Variants in SMYD3 observed in about 807,000 individuals in gnomAD.
SMYD3 encodes the protein SET and MYND domain containing 3, also known as histone-lysine N-methyltransferase SMYD3.
In SMYD3, 36 loss-of-function variants were observed where a neutral mutation model predicts 57.7. That is an observed-to-expected ratio of 0.62 (90% CI 0.48 to 0.82). The LOEUF (loss-of-function observed/expected upper bound fraction) is 0.82, where lower values mean the gene tolerates loss of function less well. SMYD3 is among the 40% of genes least tolerant of loss of function. SMYD3 has a pLI of 0.00. For missense variants in SMYD3, 515 were observed against 538.8 expected (o/e 0.96, Z 0.44); for synonymous variants, 211 against 195.0 (o/e 1.08, Z -0.68).
At chr1:246,269,699 C>T (rs987158937) in intron 5 of SMYD3, among the ~76,000 whole-genome samples, 42 of 151,850 alleles carry the variant, frequency 2.8e-4, no homozygotes, top group African/African-American at 9.9e-4. Context: ...CGTAAGCAGC[C>T]GGGACTACAG....
chr1:246,190,585 A>C (rs2062720089), intron 5 of SMYD3, among the ~76,000 whole-genome samples: 1 of 14,856 alleles, frequency 6.7e-5, no homozygotes, highest in African/African-American at 2.7e-4. Flanking sequence ...ACTCTGTCTC[A>C]AAAAAAAAAA....
At chr1:246,204,454 G>C (rs2062966902) in intron 5 of SMYD3, among the ~76,000 whole-genome samples, 1 of 152,212 alleles carries the variant, frequency 6.6e-6, no homozygotes, top group African/African-American at 2.4e-5. Flanking sequence ...GTCCAGCATA[G>C]AATGTGGGCT....
chr1:246,328,757 G>C lies in SMYD3; in HGVS notation c.395-1420C>G, dbSNP rs1021875338. Among the ~76,000 whole-genome samples the C allele has an allele frequency of 7.5e-4, 113 of 151,632 alleles. 1 individual carries two copies. Among genetic ancestry groups the C allele is most frequent in the African/African-American group, 2.6e-3 (108 of 41,326 alleles). The stretch of plus-strand genomic sequence containing the variant: ...CACAATGTGCAGGTTAGTTACATAT[G>C]TATACATGTGCCATGCTGGTGTGCT... On this transcript the variant is annotated intron_variant, in intron 4 of 11. Transcript: ENST00000490107.
chr1:246,098,044 T>C (rs1558226023), intron 5 of SMYD3, among the ~76,000 whole-genome samples: 1 of 152,258 alleles, frequency 6.6e-6, no homozygotes, highest in East Asian at 1.9e-4. Flanking sequence ...TATTTAAAAA[T>C]TACCACTAAA....
rs553641304 is a variant in SMYD3 at position 246,036,647 on chromosome 1, G to A, written c.532-106710C>T. ...CGGCTCACTGCAAGCTCCACCTCCCGGGTTTACGCCATTCTCCTGCCTCAG... is the reference window on the plus strand; with the variant it reads ...CGGCTCACTGCAAGCTCCACCTCCCAGGTTTACGCCATTCTCCTGCCTCAG... On this transcript the variant is annotated intron_variant, in intron 5 of 11. Coordinates refer to ENST00000490107, the MANE Select transcript of SMYD3 (RefSeq NM_001167740.2). Among the ~76,000 whole-genome samples the A allele has an allele frequency of 1.3e-4, 19 of 150,266 alleles. No individual in the cohort carries two copies. The South Asian group carries it at 3.4e-3, about 27-fold the overall frequency.
chr1:245,968,798 GT>G (rs1318981640), intron 5 of SMYD3, among the ~76,000 whole-genome samples: 2 of 152,094 alleles, frequency 1.3e-5, no homozygotes, highest in Non-Finnish European at 2.9e-5. Context: ...TGCTGCCCTC[GT>G]CTTTCCCGCG....
Position 246,134,756 on chromosome 1 carries a change from T to C in SMYD3, c.531+192445A>G, listed in dbSNP as rs568916593. On this transcript the variant is annotated intron_variant, in intron 5 of 11. Transcript: ENST00000490107. The stretch of plus-strand genomic sequence containing the variant: ...ATAACCATGCAGCTTTCCATTTGCA[T>C]CTACACCTATATGCAACTGAAATTG... Among the ~76,000 whole-genome samples, 53 of 152,060 alleles carry C rather than the reference T, an allele frequency of 3.5e-4. 1 individual carries two copies. Among genetic ancestry groups the C allele is most frequent in the African/African-American group, 1.1e-3 (47 of 41,556 alleles).
chr1:245,751,530 GAA>G (rs1374598467), intron 11 of SMYD3, among the ~76,000 whole-genome samples: 2 of 141,014 alleles, frequency 1.4e-5, no homozygotes, highest in Non-Finnish European at 3.2e-5. Context: ...GAGAGAGAGA[GAA>G]AGAGAGAGAA....
chr1:245,775,096 G>A (rs74616210), intron 10 of SMYD3, among the ~76,000 whole-genome samples: 13,733 of 151,826 alleles, frequency 0.09, 757 homozygotes, highest in East Asian at 0.34. Context: ...CCAAAGAGCC[G>A]AGATTGCAGC....
intron 1 of SMYD3, among the ~76,000 whole-genome samples, chr1:246,485,039 G>A (rs113046764): frequency 1.0e-3 from 40 of 38,258 alleles, no homozygotes; most frequent in East Asian, 5.9e-3. Context: ...AAAACACATC[G>A]CCTCAACCAA....
chr1:246,334,037 ACAGT>A (rs1418028469), intron 3 of SMYD3, among the ~76,000 whole-genome samples: 1 of 151,276 alleles, frequency 6.6e-6, no homozygotes, highest in Non-Finnish European at 1.5e-5. Context: ...CCATCTCATA[ACAGT>A]CAGAGTGGCT....
chr1:246,342,036 C>A (rs935039918), intron 2 of SMYD3, among the ~76,000 whole-genome samples: 1 of 152,152 alleles, frequency 6.6e-6, no homozygotes, highest in African/African-American at 2.4e-5. Flanking sequence ...TAACAAATAT[C>A]TGAATTATGT....
intron 5 of SMYD3, among the ~76,000 whole-genome samples, chr1:246,059,234 G>A (rs2060208840): frequency 1.3e-5 from 2 of 152,176 alleles, no homozygotes; most frequent in Admixed American, 6.5e-5. Context: ...AAACGAGGGA[G>A]GCAATAGATC....
intron 1 of SMYD3, among the ~76,000 whole-genome samples, chr1:246,415,081 A>G (rs2067039157): frequency 6.6e-6 from 1 of 152,146 alleles, no homozygotes; most frequent in African/African-American, 2.4e-5. Flanking sequence ...CCATCACAAA[A>G]TACTGCCTTA....
chr1:246,001,515 C>T (rs1440466177), intron 5 of SMYD3, among the ~76,000 whole-genome samples: 2 of 136,280 alleles, frequency 1.5e-5, no homozygotes, highest in African/African-American at 4.9e-5. Context: ...GGAGATGGGC[C>T]GTTTTTACAT....
intron 5 of SMYD3, among the ~76,000 whole-genome samples, chr1:245,976,918 CCATCGTCTCTAGCCT>C: frequency 1.8e-5 from 1 of 56,354 alleles, no homozygotes; most frequent in Non-Finnish European, 4.1e-5. Flanking sequence ...CTAGGGAAAG[CCATCGTCTCTAGCCT>C]AGGGAAAGCC....
intron 5 of SMYD3, among the ~76,000 whole-genome samples, chr1:246,002,608 A>G (rs372086146): frequency 0.051 from 4,686 of 91,446 alleles, 1,222 homozygotes; most frequent in Admixed American, 0.14. Flanking sequence ...GCCCGCCACC[A>G]CGCCCGGCTA....
At chr1:245,816,478 C>T (rs2048807117) in intron 10 of SMYD3, among the ~76,000 whole-genome samples, 1 of 129,488 alleles carries the variant, frequency 7.7e-6, no homozygotes, top group Non-Finnish European at 1.6e-5. Flanking sequence ...CAACCCAACT[C>T]AAGGTGCCAT....
intron 10 of SMYD3, among the ~76,000 whole-genome samples, chr1:245,854,259 G>C (rs1224467447): frequency 1.3e-5 from 2 of 151,980 alleles, no homozygotes; most frequent in Non-Finnish European, 2.9e-5. Flanking sequence ...TGGTGGGGGA[G>C]GTACAATTTG....
Sources: gnomAD v4.1 joint callset for allele counts (sites outside exome capture counted in the v4.1 genomes callset) on GRCh38, gnomAD v4.1.1 for gene constraint, MANE v1.5 for transcripts, NCBI Gene and HGNC (gene_info 2026-07-23, HGNC 2026-07-21) for gene names.